The following KIF9 variants were observed in gnomAD, a reference collection of about 807,000 sequenced individuals.
The protein encoded by KIF9 is kinesin family member 9.
A neutral mutation model predicts 94.8 loss-of-function variants in KIF9; 68 were observed. The ratio of observed to expected loss-of-function variants is 0.72; its 90% confidence interval spans 0.59 to 0.88. The LOEUF is 0.88. KIF9 is among the 40% of genes least tolerant of loss of function. The pLI is 0.00. For synonymous variants in KIF9, 343 were observed against 362.1 expected (o/e 0.95, Z 0.60); for missense variants, 882 against 982.5 (o/e 0.90, Z 1.37).
In KIF9 at chr3:47,240,812, C is replaced by A; in HGVS notation, c.1913G>T (p.Arg638Leu). The A allele has an allele frequency of 6.2e-7, 1 of 1,613,870 alleles. No individual in the cohort carries two copies. Among genetic ancestry groups the A allele is most frequent in the Non-Finnish European group, 8.5e-7 (1 of 1,179,758 alleles). The change falls in exon 17 of 21, where the codon CGG becomes CTG. Residue 638 changes from arginine to leucine, a missense_variant. By Grantham distance (102) the Arg-to-Leu change is moderately radical (BLOSUM62 -2). Transcript: ENST00000684063. ...TCCAACACATTTACCTTGCTTCTCC[C>A]GTAGTGACTTCTGGAAATTCAGGGC... is the stretch of plus-strand genomic sequence containing the variant. ...KEALNFQKSL[R>L]EKQGKYENKG...
chr3:47,278,048 AAAGG>A (rs2107527903), intron 1 of KIF9, among the ~76,000 whole-genome samples: 1 of 152,082 alleles, frequency 6.6e-6, no homozygotes, highest in East Asian at 1.9e-4. Flanking sequence ...TAGTATAAAT[AAAGG>A]AAGACATAGG....
In KIF9 at chr3:47,257,426, C is replaced by T. The variant is rs372456224; in HGVS notation, c.1059+57G>A. The T allele has an allele frequency of 3.1e-5, 46 of 1,473,846 alleles. No homozygotes were observed. In the Middle Eastern group the frequency reaches 5.4e-4, roughly 17 times the overall value. The allele number at this position is 1,473,846 out of a possible 1,614,324, so 91.3% of individuals were successfully genotyped here. ...GGAAGGCTCGCTTGTGTGACCCAAG[C>T]AGCAAACCCATACACTTTCCCCACA... On this transcript the variant is annotated intron_variant, in intron 10 of 20. Coordinates refer to ENST00000684063, the MANE Select transcript of KIF9 (RefSeq NM_182902.4).
intron 9 of KIF9, among the ~76,000 whole-genome samples, chr3:47,259,559 A>G (rs1194236817): frequency 6.6e-6 from 1 of 152,016 alleles, no homozygotes; most frequent in Non-Finnish European, 1.5e-5. Context: ...GAGAGATCAG[A>G]TTGTTACTGT....
chr3:47,241,834 CAT>C lies in KIF9; in HGVS notation c.1710-821_1710-820del, dbSNP rs1214692048. The stretch of plus-strand genomic sequence containing the variant: ...ATATATGTATATATATACACACACA[CAT>C]ATATAAAATATATATATATATATAT... On this transcript the variant is annotated intron_variant, in intron 16 of 20. Coordinates refer to ENST00000684063, the MANE Select transcript of KIF9 (RefSeq NM_182902.4). Among the ~76,000 whole-genome samples the C allele has an allele frequency of 2.1e-4, 28 of 134,774 alleles. No homozygotes were observed. In the South Asian group the frequency reaches 2.5e-3, roughly 12 times the overall value. The allele number at this position is 134,774 out of a possible 152,430, so 88.4% of individuals were successfully genotyped here. A position where few individuals can be genotyped will look rare whatever the true frequency, so the allele number is the denominator to read the frequency against.
chr3:47,235,961 A>C (rs1698993742), intron 19 of KIF9, 73 bp downstream of exon 19: 1 of 1,133,060 alleles, frequency 8.8e-7, no homozygotes, highest in Non-Finnish European at 1.3e-6. Context: ...TTGTGTTGAG[A>C]ACAGACATCA....
At chr3:47,235,400 T>A in intron 20 of KIF9, 113 bp downstream of exon 20, 1 of 762,830 alleles carries the variant, frequency 1.3e-6, no homozygotes, top group Middle Eastern at 2.6e-4. Flanking sequence ...GGGTGACTAA[T>A]CTCCTTGGAA....
intron 17 of KIF9, chr3:47,239,972 CCA>C: frequency 7.4e-7 from 1 of 1,351,564 alleles, no homozygotes; most frequent in Non-Finnish European, 9.9e-7. Flanking sequence ...GGCCTCTGAA[CCA>C]CCTGTCCCAG....
intron 4 of KIF9, among the ~76,000 whole-genome samples, chr3:47,273,115 C>T (rs897312836): frequency 6.6e-6 from 1 of 152,198 alleles, no homozygotes. Flanking sequence ...TGCCCTCCTT[C>T]TTGCTTTTGA....
At chr3:47,278,027 CATATAT>C (rs1421408043) in intron 1 of KIF9, among the ~76,000 whole-genome samples, 1 of 151,526 alleles carries the variant, frequency 6.6e-6, no homozygotes, top group Non-Finnish European at 1.5e-5. Context: ...TGTGCATATA[CATATAT>C]ATAGTAGTAT....
chr3:47,235,445 G>C, intron 20 of KIF9, 68 bp downstream of exon 20: 1 of 1,074,338 alleles, frequency 9.3e-7, no homozygotes, highest in Non-Finnish European at 1.4e-6. Flanking sequence ...CTAAAGTAGG[G>C]AATATGATCC....
chr3:47,270,881 G>A (rs1252345663), intron 5 of KIF9, among the ~76,000 whole-genome samples: 1 of 148,424 alleles, frequency 6.7e-6, no homozygotes, highest in Non-Finnish European at 1.5e-5. Flanking sequence ...TAGCTTGCCT[G>A]TAATCCCTGC....
chr3:47,273,981 A>G (rs761257108), intron 3 of KIF9, among the ~76,000 whole-genome samples: 10 of 152,150 alleles, frequency 6.6e-5, no homozygotes, highest in Non-Finnish European at 8.8e-5. Flanking sequence ...ACTTTTCCTA[A>G]AAAGATGAGG....
intron 4 of KIF9, 96 bp from the exon 5 acceptor site, chr3:47,271,557 G>A (rs1701650780): frequency 3.6e-6 from 3 of 827,658 alleles, no homozygotes; most frequent in Non-Finnish European, 4.1e-6. Flanking sequence ...ACATCAAGAT[G>A]TATAGAATAA....
chr3:47,282,209 G>A, intron 1 of KIF9: 1 of 985,514 alleles, frequency 1.0e-6, no homozygotes, highest in African/African-American at 1.7e-5. Flanking sequence ...TAGTACGGAA[G>A]AGTCCAGACG....
intron 3 of KIF9, among the ~76,000 whole-genome samples, chr3:47,274,169 C>A (rs1701821042): frequency 6.6e-6 from 1 of 152,208 alleles, no homozygotes; most frequent in South Asian, 2.1e-4. Context: ...TCTTTGTAGA[C>A]TACAAATTCC....
intron 9 of KIF9, chr3:47,263,908 T>C: frequency 2.2e-6 from 1 of 459,528 alleles, no homozygotes; most frequent in Non-Finnish European, 4.4e-6. Flanking sequence ...CCCTGTGGGG[T>C]TTTCAAGATG....
At chr3:47,268,883 T>C (rs1474791671) in intron 5 of KIF9, among the ~76,000 whole-genome samples, 1 of 151,962 alleles carries the variant, frequency 6.6e-6, no homozygotes, top group African/African-American at 2.4e-5. Context: ...CCACAGCAGG[T>C]CATTCACCTT....
chr3:47,254,554 T>C (rs1180765818), intron 10 of KIF9, among the ~76,000 whole-genome samples: 2 of 152,172 alleles, frequency 1.3e-5, no homozygotes, highest in African/African-American at 2.4e-5. Flanking sequence ...GAGGTTGCAG[T>C]GAGCAGAGAT....
In KIF9 at chr3:47,237,189, G is replaced by A. The variant is rs560284292; in HGVS notation, c.1925-570C>T. On this transcript the variant is annotated intron_variant, in intron 17 of 20. Transcript: ENST00000684063. ...GGCTCACTGCAACTCTGCCTCCCGA[G>A]TTCAAGCGATTCTCCTCCCTTAGCC... Among the ~76,000 whole-genome samples the A allele has an allele frequency of 1.3e-4, 20 of 152,312 alleles. No homozygotes were observed. In the East Asian group the frequency reaches 3.5e-3, roughly 26 times the overall value.
Sources: allele counts gnomAD v4.1 joint callset (sites outside exome capture counted in the v4.1 genomes callset), GRCh38; gene constraint gnomAD v4.1.1; transcripts MANE v1.5; gene names NCBI Gene and HGNC (gene_info 2026-07-23, HGNC 2026-07-21).